PTPRD: variants seen among roughly 807,000 people sequenced by gnomAD.
PTPRD encodes receptor-type tyrosine-protein phosphatase delta.
A neutral mutation model predicts 214.5 loss-of-function variants in PTPRD; 34 were observed. That is an observed-to-expected ratio of 0.16 (90% CI 0.12 to 0.21). The LOEUF (loss-of-function observed/expected upper bound fraction) is 0.21, where lower values mean the gene tolerates loss of function less well. Among genes scored for constraint, PTPRD ranks in the 10% least tolerant of loss-of-function variants. The pLI is 1.00. For synonymous variants in PTPRD, 1,128 were observed against 845.7 expected (o/e 1.33, Z -5.79); for missense variants, 2,545 against 2,398.7 (o/e 1.06, Z -1.27).
At chr9:8,786,668 G>C (rs1042154925) in intron 11 of PTPRD, among the ~76,000 whole-genome samples, 3 of 151,304 alleles carry the variant, frequency 2.0e-5, no homozygotes, top group Non-Finnish European at 4.4e-5. Flanking sequence ...ACCCGCCTCG[G>C]CATCCTAAAG....
chr9:9,451,649 A>G (rs1221592097), intron 8 of PTPRD, among the ~76,000 whole-genome samples: 1 of 151,726 alleles, frequency 6.6e-6, no homozygotes, highest in East Asian at 1.9e-4. Context: ...ACTCACATAG[A>G]CTTTTTATAT....
intron 2 of PTPRD, among the ~76,000 whole-genome samples, chr9:10,407,529 C>T (rs191828564): frequency 2.0e-5 from 3 of 151,598 alleles, no homozygotes; most frequent in African/African-American, 7.2e-5. Flanking sequence ...AAACAGCTTT[C>T]GGCACACCAA....
chr9:9,595,548 G>A (rs1490176855), intron 7 of PTPRD, among the ~76,000 whole-genome samples: 1 of 39,418 alleles, frequency 2.5e-5, no homozygotes, highest in Non-Finnish European at 7.1e-5. Flanking sequence ...ATGTATGTGT[G>A]TTTGTGTGTG....
rs151180152 is a variant in PTPRD, at chr9:9,033,168, A to C, written c.-142-14433T>G. On this transcript the variant is annotated intron_variant, in intron 10 of 45. Transcript: ENST00000381196. ...TTGGCTCACTGGGTATAGTCCATAG[A>C]CATGACACATAATTTGGCAGTAATC... Among the ~76,000 whole-genome samples, 323 of 152,256 alleles carry C rather than the reference A, an allele frequency of 2.1e-3. 5 individuals carry two copies. In the East Asian group the frequency reaches 0.042, roughly 20 times the overall value.
intron 11 of PTPRD, among the ~76,000 whole-genome samples, chr9:8,751,294 C>T (rs75753528): frequency 5.3e-5 from 8 of 151,646 alleles, no homozygotes; most frequent in East Asian, 3.9e-4. Context: ...TCCTGAAAAA[C>T]GCAAATGGAA....
intron 12 of PTPRD, among the ~76,000 whole-genome samples, chr9:8,670,522 T>C (rs1295384006): frequency 1.3e-5 from 2 of 152,250 alleles, no homozygotes; most frequent in African/African-American, 2.4e-5. Flanking sequence ...ATATGTGAGA[T>C]GACAGATGTT....
chr9:9,551,524 T>A (rs2080238242), intron 8 of PTPRD, among the ~76,000 whole-genome samples: 1 of 152,008 alleles, frequency 6.6e-6, no homozygotes. Context: ...TGTATCTACC[T>A]ACTGGAGTTC....
At chr9:9,836,158 G>A (rs2056689814) in intron 5 of PTPRD, among the ~76,000 whole-genome samples, 1 of 152,174 alleles carries the variant, frequency 6.6e-6, no homozygotes, top group Non-Finnish European at 1.5e-5. Context: ...AATATCAAGA[G>A]TCCAGGATTA....
intron 3 of PTPRD, among the ~76,000 whole-genome samples, chr9:10,253,397 A>G (rs2092963631): frequency 6.6e-6 from 1 of 152,200 alleles, no homozygotes; most frequent in African/African-American, 2.4e-5. Flanking sequence ...CTCTTTTAAT[A>G]AAGAAGACAA....
At position 10,125,611 on chromosome 9, in the gene PTPRD, C is replaced by T. The variant is rs148386997; in HGVS notation, c.-544-91821G>A. On this transcript the variant is annotated intron_variant, in intron 3 of 45. Coordinates refer to ENST00000381196, the MANE Select transcript of PTPRD (RefSeq NM_002839.4). ...CTGGGATTACAGGCGTGCGCTACCA[C>T]GCTCGGCTAATTGTGTGTGTGTGTG... is the stretch of plus-strand genomic sequence containing the variant. Among the ~76,000 whole-genome samples, 647 of 139,510 alleles carry T rather than the reference C, an allele frequency of 4.6e-3. 4 individuals are homozygous for T. Among genetic ancestry groups the T allele is most frequent in the African/African-American group, 0.016 (620 of 37,748 alleles). 91.5% of individuals were successfully genotyped at this position (139,510 alleles called of 152,430 possible).
chr9:10,363,634 A>G (rs939598485), intron 2 of PTPRD, among the ~76,000 whole-genome samples: 21 of 152,240 alleles, frequency 1.4e-4, no homozygotes, highest in African/African-American at 1.7e-4. Flanking sequence ...AAGGCAAGAT[A>G]TCTTACAGTT....
chr9:8,391,706 G>A, intron 36 of PTPRD, among the ~76,000 whole-genome samples: 1 of 152,108 alleles, frequency 6.6e-6, no homozygotes, highest in East Asian at 1.9e-4. Flanking sequence ...TTTTTTCTAA[G>A]AAAACTCAGA....
At chr9:10,004,484 A>G (rs1184268577) in intron 4 of PTPRD, among the ~76,000 whole-genome samples, 1 of 151,996 alleles carries the variant, frequency 6.6e-6, no homozygotes, top group African/African-American at 2.4e-5. Context: ...TCACATAAAA[A>G]TATGCAATCA....
chr9:8,526,563 G>A (rs2074217694), intron 17 of PTPRD, 64 bp downstream of exon 17: 1 of 1,401,554 alleles, frequency 7.1e-7, no homozygotes, highest in African/African-American at 1.4e-5. Context: ...ACAAAGATGA[G>A]AGGGATGAAA....
At chr9:9,357,846 T>G (rs1161224186) in intron 9 of PTPRD, among the ~76,000 whole-genome samples, 1 of 144,130 alleles carries the variant, frequency 6.9e-6, no homozygotes, top group African/African-American at 2.7e-5. Context: ...ACTTGAGTCT[T>G]TATGTCTTTC....
chr9:9,268,586 G>C (rs1941268054), intron 9 of PTPRD, among the ~76,000 whole-genome samples: 2 of 151,186 alleles, frequency 1.3e-5, no homozygotes, highest in African/African-American at 4.8e-5. Context: ...AACAAAGCTG[G>C]AGGCATCACA....
At chr9:9,952,388 T>G (rs1194258431) in intron 4 of PTPRD, among the ~76,000 whole-genome samples, 1 of 152,140 alleles carries the variant, frequency 6.6e-6, no homozygotes, top group Non-Finnish European at 1.5e-5. Context: ...CACAGGCATT[T>G]TTGGCAACAA....
intron 8 of PTPRD, among the ~76,000 whole-genome samples, chr9:9,494,884 G>A (rs922845171): frequency 2.0e-5 from 3 of 152,174 alleles, no homozygotes; most frequent in African/African-American, 7.2e-5. Flanking sequence ...GAAGAAAACT[G>A]TAAGATTCAC....
intron 9 of PTPRD, among the ~76,000 whole-genome samples, chr9:9,329,607 T>C (rs2041539666): frequency 1.3e-5 from 2 of 152,190 alleles, no homozygotes; most frequent in Non-Finnish European, 2.9e-5. Flanking sequence ...CAGAAAAACC[T>C]TCTATCTTCT....
Sources: gnomAD v4.1 joint callset for allele counts (sites outside exome capture counted in the v4.1 genomes callset) on GRCh38, gnomAD v4.1.1 for gene constraint, MANE v1.5 for transcripts, NCBI Gene and HGNC (gene_info 2026-07-23, HGNC 2026-07-21) for gene names.